ARHGEF26: variants seen among roughly 807,000 people sequenced by gnomAD.
ARHGEF26 encodes Rho guanine nucleotide exchange factor (GEF) 26.
In ARHGEF26, 59 loss-of-function variants were observed where a neutral mutation model predicts 89.4. That is an observed-to-expected ratio of 0.66 (90% CI 0.54 to 0.82). The LOEUF is 0.82. Ranked by LOEUF, ARHGEF26 falls within the 40% of genes least tolerant of loss-of-function variation. ARHGEF26 has a pLI of 0.00. For synonymous variants in ARHGEF26, 500 were observed against 428.4 expected (o/e 1.17, Z -2.06); for missense variants, 1,234 against 1,085.6 (o/e 1.14, Z -1.92).
At chr3:154,173,313 G>A (rs558543819) in intron 6 of ARHGEF26, among the ~76,000 whole-genome samples, 2 of 147,646 alleles carry the variant, frequency 1.4e-5, no homozygotes, top group African/African-American at 5.0e-5. Flanking sequence ...AGTTTTGTCT[G>A]TCTCAGATTA....
intron 11 of ARHGEF26, among the ~76,000 whole-genome samples, chr3:154,234,059 C>A (rs1054933593): frequency 6.6e-6 from 1 of 152,098 alleles, no homozygotes; most frequent in African/African-American, 2.4e-5. Context: ...TTAAATTAAA[C>A]CTTTTTACAA....
Position 154,191,387 on chromosome 3 carries a change from A to G in ARHGEF26, c.1739A>G (p.Gln580Arg). The G allele has an allele frequency of 6.2e-7, 1 of 1,613,928 alleles. No individual in the cohort carries two copies. Among genetic ancestry groups the G allele is most frequent in the Non-Finnish European group, 8.5e-7 (1 of 1,179,834 alleles). The change falls in exon 8 of 15, where the codon CAG becomes CGG. Residue 580 changes from glutamine to arginine, a missense_variant. Transcript: ENST00000465093. ...ATCTCTTTTCTCATTCTCCCCATGC[A>G]GAGGGTGACCCGCCTTCCCCTGCTG... ...PMISFLILPMQRVTRLPLLMD... is the reference protein window; with the variant it reads ...PMISFLILPMRRVTRLPLLMD...
chr3:154,216,492 A>ATT (rs1428596973), intron 9 of ARHGEF26, among the ~76,000 whole-genome samples: 6 of 128,996 alleles, frequency 4.7e-5, no homozygotes, highest in African/African-American at 1.2e-4. Context: ...TTTTTTTTTT[A>ATT]TTTTTTTTTA....
At chr3:154,180,964 A>G (rs1008111711) in intron 6 of ARHGEF26, among the ~76,000 whole-genome samples, 3 of 152,120 alleles carry the variant, frequency 2.0e-5, no homozygotes, top group Non-Finnish European at 2.9e-5. Context: ...ATTTTGATGT[A>G]TTGTTAATGG....
At chr3:154,212,597 G>T (rs533574979) in intron 9 of ARHGEF26, among the ~76,000 whole-genome samples, 2 of 151,694 alleles carry the variant, frequency 1.3e-5, no homozygotes, top group Admixed American at 6.6e-5. Flanking sequence ...ACAGACGGGT[G>T]GGGGGCTGGG....
intron 12 of ARHGEF26, among the ~76,000 whole-genome samples, chr3:154,251,158 G>T (rs1718123759): frequency 6.6e-6 from 1 of 152,146 alleles, no homozygotes; most frequent in African/African-American, 2.4e-5. Context: ...AACACCTGCT[G>T]CGTAACACCA....
At chr3:154,175,794 C>T (rs1712783745) in intron 6 of ARHGEF26, among the ~76,000 whole-genome samples, 1 of 152,090 alleles carries the variant, frequency 6.6e-6, no homozygotes, top group Non-Finnish European at 1.5e-5. Flanking sequence ...ACAAAGAAGC[C>T]AGATGGTATT....
At chr3:154,153,417 A>G (rs1028076639) in intron 6 of ARHGEF26, among the ~76,000 whole-genome samples, 5 of 152,096 alleles carry the variant, frequency 3.3e-5, no homozygotes, top group African/African-American at 1.2e-4. Context: ...ATATTTAGCA[A>G]TTGTTAAAAT....
intron 13 of ARHGEF26, among the ~76,000 whole-genome samples, chr3:154,254,314 TG>T (rs1718344767): frequency 6.6e-6 from 1 of 152,166 alleles, no homozygotes; most frequent in Non-Finnish European, 1.5e-5. Context: ...CATGTGCTGC[TG>T]TTGGGATGGG....
At chr3:154,237,092 A>C (rs543929416) in intron 11 of ARHGEF26, among the ~76,000 whole-genome samples, 1 of 152,332 alleles carries the variant, frequency 6.6e-6, no homozygotes, top group South Asian at 2.1e-4. Context: ...TGGACATTTG[A>C]GAGGACTACA....
chr3:154,171,583 T>C (rs778548211), intron 6 of ARHGEF26, among the ~76,000 whole-genome samples: 155 of 152,324 alleles, frequency 1.0e-3, no homozygotes, highest in Non-Finnish European at 1.7e-3. Context: ...TCTATAGTTT[T>C]GCCTTTTCTA....
chr3:154,156,926 C>G (rs1051803112), intron 6 of ARHGEF26, among the ~76,000 whole-genome samples: 1 of 152,094 alleles, frequency 6.6e-6, no homozygotes, highest in Non-Finnish European at 1.5e-5. Flanking sequence ...AAAATTATAG[C>G]TATAGGTGAT....
intron 6 of ARHGEF26, among the ~76,000 whole-genome samples, chr3:154,162,150 G>T (rs1711704544): frequency 6.6e-6 from 1 of 152,152 alleles, no homozygotes; most frequent in Non-Finnish European, 1.5e-5. Context: ...CATCTGCATT[G>T]CATTTATAGC....
At chr3:154,170,302 G>T (rs1712343417) in intron 6 of ARHGEF26, among the ~76,000 whole-genome samples, 1 of 152,164 alleles carries the variant, frequency 6.6e-6, no homozygotes, top group African/African-American at 2.4e-5. Flanking sequence ...GGTCTAGGCT[G>T]CAGTGAGCTA....
At chr3:154,147,274 G>A (rs1268877921) in intron 4 of ARHGEF26, among the ~76,000 whole-genome samples, 1 of 152,148 alleles carries the variant, frequency 6.6e-6, no homozygotes, top group Non-Finnish European at 1.5e-5. Flanking sequence ...GCACTGTGGT[G>A]CACGCCTATA....
At chr3:154,208,906 C>T (rs1433124637) in intron 9 of ARHGEF26, among the ~76,000 whole-genome samples, 1 of 151,648 alleles carries the variant, frequency 6.6e-6, no homozygotes, top group African/African-American at 2.4e-5. Context: ...GCTGGGATTA[C>T]AGGCACATAC....
chr3:154,228,237 A>G (rs149222698), intron 11 of ARHGEF26, among the ~76,000 whole-genome samples: 1,620 of 151,192 alleles, frequency 0.011, 24 homozygotes, highest in African/African-American at 0.037. Context: ...TCCCAGGTTC[A>G]AGTGATTCTC....
At chr3:154,148,114 C>T (rs915980916) in intron 4 of ARHGEF26, among the ~76,000 whole-genome samples, 5 of 152,198 alleles carry the variant, frequency 3.3e-5, no homozygotes, top group African/African-American at 1.2e-4. Context: ...CCTCTAGAGC[C>T]TGTTCTGTTA....
intron 9 of ARHGEF26, among the ~76,000 whole-genome samples, chr3:154,216,509 A>ATT (rs1273722931): frequency 3.8e-5 from 1 of 26,334 alleles, no homozygotes; most frequent in African/African-American, 1.0e-4. Context: ...TTTATTTTTT[A>ATT]TTTTTTTTTT....
Sources: allele counts gnomAD v4.1 joint callset (sites outside exome capture counted in the v4.1 genomes callset), GRCh38; gene constraint gnomAD v4.1.1; transcripts MANE v1.5; gene names NCBI Gene and HGNC (gene_info 2026-07-23, HGNC 2026-07-21).